The following SLC36A1 variants were observed in gnomAD, a reference collection of about 807,000 sequenced individuals.
The protein encoded by SLC36A1 is solute carrier family 36 member 1.
SLC36A1 carries 30 observed loss-of-function variants against 47.5 expected under a neutral mutation model. The observed-to-expected ratio is 0.63, with a 90% CI of 0.47 to 0.86. SLC36A1 has a LOEUF of 0.86. Among genes scored for constraint, SLC36A1 ranks in the 40% least tolerant of loss-of-function variants. SLC36A1 has a pLI of 0.00. For synonymous variants in SLC36A1, 255 were observed against 249.7 expected (o/e 1.02, Z -0.20); for missense variants, 517 against 606.0 (o/e 0.85, Z 1.54).
At chr5:151,546,482 T>A in the SLC36A1 span, 5 of 599,568 alleles carry the variant, frequency 8.3e-6, no homozygotes, top group Non-Finnish European at 1.5e-5. Context: ...ATATAGTGTA[T>A]AGAGTAGATA....
At chr5:151,531,557 G>A in the SLC36A1 span, 2 of 1,610,972 alleles carry the variant, frequency 1.2e-6, no homozygotes, top group East Asian at 2.2e-5. This position sits in a 1 kb window ranked among gnomAD's most constrained non-coding sequence, Gnocchi z 5.7. Flanking sequence ...TGTACGCGAT[G>A]CTTTGGGGCT....
downstream of SLC36A1, among the ~76,000 whole-genome samples, chr5:151,493,861 C>G (rs1332713040): frequency 6.6e-6 from 1 of 152,170 alleles, no homozygotes; most frequent in Non-Finnish European, 1.5e-5. Flanking sequence ...TGCCATATGT[C>G]ATAATCACAA....
At chr5:151,550,735 C>G in the SLC36A1 span, 1 of 1,613,992 alleles carries the variant, frequency 6.2e-7, no homozygotes, top group Non-Finnish European at 8.5e-7. Context: ...GAGGCTTTTG[C>G]CCTTGTCTTG....
chr5:151,536,801 C>T, the SLC36A1 span, among the ~76,000 whole-genome samples: 1 of 152,180 alleles, frequency 6.6e-6, no homozygotes, highest in South Asian at 2.1e-4. Context: ...ATGTTCTTGG[C>T]CATGACACTC....
the SLC36A1 span, among the ~76,000 whole-genome samples, chr5:151,371,629 C>T: frequency 2.6e-5 from 4 of 152,278 alleles, no homozygotes; most frequent in African/African-American, 9.6e-5. Flanking sequence ...TTGTTATCAA[C>T]TCCCACTATC....
rs144236974 is a variant in SLC36A1 at position 151,479,474 on chromosome 5, C to T, written c.1144C>T (p.Leu382=). The T allele has an allele frequency of 1.8e-3, 2,841 of 1,613,848 alleles. 2 individuals carry two copies. The highest frequency in any genetic ancestry group is 2.3e-3 in the Non-Finnish European group (2,694 of 1,179,758). The change falls in exon 10 of 11, where the codon CTG becomes TTG. Residue 382 remains leucine (L), a synonymous_variant. Transcript: ENST00000243389. ...LVVDLFVRTV[L]VCLTCILAIL... is the part of the protein sequence containing the mutation. ...GGTGGACCTGTTTGTGCGCACAGTG[C>T]TGGTCTGCCTGACATGTGAGTAGAA... is the stretch of plus-strand genomic sequence containing the variant.
chr5:151,418,478 G>A, the SLC36A1 span, among the ~76,000 whole-genome samples: 1 of 152,214 alleles, frequency 6.6e-6, no homozygotes, highest in African/African-American at 2.4e-5. Context: ...GTGTGACCTG[G>A]ATGTGAGAAA....
At chr5:151,532,627 T>C in the SLC36A1 span, among the ~76,000 whole-genome samples, 1 of 152,152 alleles carries the variant, frequency 6.6e-6, no homozygotes, top group Non-Finnish European at 1.5e-5. Flanking sequence ...TACGTCAACA[T>C]AAAAAGTTAA....
the SLC36A1 span, among the ~76,000 whole-genome samples, chr5:151,367,224 T>C: frequency 2.0e-5 from 3 of 152,200 alleles, no homozygotes; most frequent in South Asian, 6.2e-4. Context: ...TACCACAAAT[T>C]TACCAGGGCT....
At chr5:151,549,424 G>T in the SLC36A1 span, 1 of 1,614,140 alleles carries the variant, frequency 6.2e-7, no homozygotes, top group Non-Finnish European at 8.5e-7. Context: ...TGAGTGAAGC[G>T]GGGTGGGTGG....
chr5:151,367,361 A>ATTTTTTTTT, the SLC36A1 span, among the ~76,000 whole-genome samples: 62 of 118,860 alleles, frequency 5.2e-4, no homozygotes, highest in Middle Eastern at 4.0e-3. Flanking sequence ...CCAGGAATGC[A>ATTTTTTTTT]TTTTTTTTTT....
chr5:151,479,635 T>A (rs1392123344), intron 10 of SLC36A1, 146 bp downstream of exon 10: 1 of 772,712 alleles, frequency 1.3e-6, no homozygotes, highest in African/African-American at 1.7e-5. Flanking sequence ...ACTTTCAGAG[T>A]TGAGGCACCT....
At chr5:151,439,767 A>G (rs1207669829) in intron 1 of SLC36A1, among the ~76,000 whole-genome samples, 1 of 151,480 alleles carries the variant, frequency 6.6e-6, no homozygotes, top group African/African-American at 2.4e-5. Context: ...TATGTACTTG[A>G]GCTGATGATT....
At chr5:151,501,390 C>T in the SLC36A1 span, among the ~76,000 whole-genome samples, 1 of 150,258 alleles carries the variant, frequency 6.7e-6, no homozygotes, top group Non-Finnish European at 1.5e-5. Context: ...TTTCCTGTCT[C>T]GGTGTCATCA....
the SLC36A1 span, chr5:151,347,214 C>CA: frequency 6.5e-7 from 1 of 1,536,362 alleles, no homozygotes; most frequent in Non-Finnish European, 9.0e-7. Context: ...GGTTGAGGGT[C>CA]AGACACACCC....
chr5:151,483,439 G>C lies in SLC36A1; in HGVS notation c.1159+3950G>C, dbSNP rs555962564. Among the ~76,000 whole-genome samples, 7 of 149,854 alleles carry C rather than the reference G, an allele frequency of 4.7e-5. No homozygotes were observed. In the South Asian group the frequency reaches 1.5e-3, roughly 31 times the overall value. On this transcript the variant is annotated intron_variant, in intron 10 of 10. Coordinates refer to ENST00000243389, the MANE Select transcript of SLC36A1 (RefSeq NM_078483.4). The stretch of plus-strand genomic sequence containing the variant: ...CCCCTTTTGTACACGCCACAGCTGA[G>C]CTGCTGCTGAGAAGTGTATAACTGC...
At chr5:151,515,660 A>G in the SLC36A1 span, among the ~76,000 whole-genome samples, 3 of 152,286 alleles carry the variant, frequency 2.0e-5, no homozygotes, top group African/African-American at 7.2e-5. Context: ...TTCACTGGGA[A>G]ATCCTGTTGG....
chr5:151,500,770 G>A, the SLC36A1 span, among the ~76,000 whole-genome samples: 129 of 152,348 alleles, frequency 8.5e-4, no homozygotes, highest in African/African-American at 3.0e-3. Flanking sequence ...AGAGGTGGTG[G>A]CTGATGGTAG....
chr5:151,487,871 T>G, intron 10 of SLC36A1, 112 bp from the exon 11 acceptor site: 1 of 1,301,506 alleles, frequency 7.7e-7, no homozygotes, highest in East Asian at 2.4e-5. Flanking sequence ...CTAAGTTTTC[T>G]TAGAGCTCTC....
Sources: gnomAD v4.1 joint callset for allele counts (sites outside exome capture counted in the v4.1 genomes callset) on GRCh38, gnomAD v4.1.1 for gene constraint, Gnocchi (gnomAD v3.1) non-coding constraint, MANE v1.5 for transcripts, NCBI Gene and HGNC (gene_info 2026-07-23, HGNC 2026-07-21) for gene names.